PLXNA4: variants seen among roughly 807,000 people sequenced by gnomAD.
The protein encoded by PLXNA4 is plexin A4, also known as plexin-A4.
A neutral mutation model predicts 191.8 loss-of-function variants in PLXNA4; 44 were observed. That is an observed-to-expected ratio of 0.23 (90% CI 0.18 to 0.29). PLXNA4 has a LOEUF of 0.29. Ranked by LOEUF, PLXNA4 falls within the 10% of genes least tolerant of loss-of-function variation. PLXNA4 has a pLI of 1.00. For missense variants in PLXNA4, 1,800 were observed against 2,488.8 expected (o/e 0.72, Z 5.89); for synonymous variants, 1,082 against 1,009.5 (o/e 1.07, Z -1.36).
chr7:132,486,474 C>T (rs1797561318), intron 3 of PLXNA4, among the ~76,000 whole-genome samples: 1 of 152,356 alleles, frequency 6.6e-6, no homozygotes, highest in African/African-American at 2.4e-5. Context: ...GACTGTTCCC[C>T]TGGGCCAGCT....
At chr7:132,425,201 T>C (rs1249961626) in intron 3 of PLXNA4, among the ~76,000 whole-genome samples, 2 of 152,170 alleles carry the variant, frequency 1.3e-5, no homozygotes, top group Admixed American at 6.5e-5. Flanking sequence ...AGGGGGAAAG[T>C]TTTTTTCTCC....
chr7:132,604,851 C>T (rs189970581), intron 2 of PLXNA4, among the ~76,000 whole-genome samples: 39 of 152,236 alleles, frequency 2.6e-4, no homozygotes, highest in East Asian at 5.8e-4. Context: ...GATATGACTC[C>T]GCTTGCACCG....
chr7:132,230,351 A>G (rs565740053), intron 5 of PLXNA4, among the ~76,000 whole-genome samples: 1 of 152,306 alleles, frequency 6.6e-6, no homozygotes, highest in African/African-American at 2.4e-5. Context: ...TGCCCCCTTC[A>G]TATCCTTAGG....
intron 3 of PLXNA4, among the ~76,000 whole-genome samples, chr7:132,432,202 G>A (rs1457860793): frequency 7.9e-5 from 12 of 152,126 alleles, no homozygotes; most frequent in Non-Finnish European, 5.9e-5. Context: ...GGTGACGGAC[G>A]ACTCACCAGT....
intron 2 of PLXNA4, among the ~76,000 whole-genome samples, chr7:132,595,864 T>G (rs2116833233): frequency 6.6e-6 from 1 of 152,324 alleles, no homozygotes; most frequent in South Asian, 2.1e-4. Flanking sequence ...ATCATGAAAT[T>G]TCACTTCTGG....
At chr7:132,385,104 G>A (rs1306827993) in intron 3 of PLXNA4, 9 of 1,569,800 alleles carry the variant, frequency 5.7e-6, no homozygotes, top group Non-Finnish European at 6.1e-6. Context: ...TCACAGGGAG[G>A]TAGATGTGTC....
chr7:132,441,031 A>T (rs924740918), intron 3 of PLXNA4, among the ~76,000 whole-genome samples: 1 of 152,236 alleles, frequency 6.6e-6, no homozygotes, highest in Non-Finnish European at 1.5e-5. Context: ...TCCATTTTAC[A>T]TATGAAAAAA....
chr7:132,511,425 T>C (rs1055035328), intron 1 of PLXNA4, among the ~76,000 whole-genome samples: 1 of 152,190 alleles, frequency 6.6e-6, no homozygotes, highest in Non-Finnish European at 1.5e-5. Flanking sequence ...GCCCAGAAGA[T>C]AGAGCACTTA....
intron 25 of PLXNA4, among the ~76,000 whole-genome samples, chr7:132,157,050 T>C (rs1795820037): frequency 6.6e-6 from 1 of 152,198 alleles, no homozygotes; most frequent in South Asian, 2.1e-4. Context: ...GGCCTCTCTT[T>C]GTTTCTCTCT....
rs558069934 is a variant in PLXNA4 at position 132,485,877 on chromosome 7, G to A, written c.1371+3415C>T. 4.6e-5 allele frequency among the ~76,000 whole-genome samples: 7 copies of A among 152,276 alleles called. No individual in the cohort carries two copies. The South Asian group carries it at 1.5e-3, about 32-fold the overall frequency. ...CGCTTCATGTGACGTGTGCACTAAA[G>A]GAGTGAAATTACGGTCGTCAAAGAC... On this transcript the variant is annotated intron_variant, in intron 3 of 31. Coordinates refer to ENST00000321063, the MANE Select transcript of PLXNA4 (RefSeq NM_020911.2).
At chr7:132,516,018 T>G (rs1798921443) in intron 1 of PLXNA4, among the ~76,000 whole-genome samples, 1 of 152,000 alleles carries the variant, frequency 6.6e-6, no homozygotes, top group Non-Finnish European at 1.5e-5. Context: ...TGGAAACACG[T>G]GAATGAATGA....
intron 13 of PLXNA4, among the ~76,000 whole-genome samples, chr7:132,195,930 T>A (rs927177913): frequency 6.6e-6 from 1 of 152,232 alleles, no homozygotes; most frequent in South Asian, 2.1e-4. Flanking sequence ...GCTTCTATGT[T>A]TTATGTTTCT....
intron 3 of PLXNA4, among the ~76,000 whole-genome samples, chr7:132,476,829 T>C (rs1797148082): frequency 1.3e-5 from 2 of 152,192 alleles, no homozygotes; most frequent in Non-Finnish European, 2.9e-5. Context: ...AATCTAATCA[T>C]TGTATTTAAG....
chr7:132,455,676 G>C (rs1273151102), intron 3 of PLXNA4, among the ~76,000 whole-genome samples: 4 of 152,112 alleles, frequency 2.6e-5, no homozygotes, highest in Non-Finnish European at 2.9e-5. Flanking sequence ...TCGAAATTGT[G>C]CATCAAGCGT....
At chr7:132,319,079 G>A (rs1346736039) in intron 3 of PLXNA4, among the ~76,000 whole-genome samples, 1 of 152,126 alleles carries the variant, frequency 6.6e-6, no homozygotes, top group East Asian at 1.9e-4. Flanking sequence ...ATATGGAGGA[G>A]AGCCATCCAA....
At position 132,241,069 on chromosome 7, in the gene PLXNA4, T is replaced by C. The variant is rs1217574380; in HGVS notation, c.1601A>G (p.Asn534Ser). The C allele has an allele frequency of 1.9e-6, 3 of 1,599,670 alleles. No individual in the cohort carries two copies. The highest frequency in any genetic ancestry group is 1.1e-5 in the South Asian group (1 of 88,654). Residue 534 changes from asparagine (N) to serine (S), a missense_variant, in exon 5 of 32, where the codon AAC becomes AGC. Physicochemically the swap from Asn to Ser is conservative, Grantham distance 46. Transcript: ENST00000321063. ...GCAGCCTCCCCATGGTACTCACGTG[T>C]TGTGCAGCACACACCAGCCACAGTG... Reference protein sequence around the residue: ...DPHCGWCVLHNTCTRKERCER... With the variant: ...DPHCGWCVLHSTCTRKERCER...
At chr7:132,574,816 T>C (rs115633627) in intron 1 of PLXNA4, among the ~76,000 whole-genome samples, 3,807 of 152,252 alleles carry the variant, frequency 0.025, 168 homozygotes, top group African/African-American at 0.087. Flanking sequence ...GAAAAAGCCC[T>C]TTCATTCAGC....
chr7:132,460,310 G>C (rs117472782), intron 3 of PLXNA4, among the ~76,000 whole-genome samples: 1 of 151,598 alleles, frequency 6.6e-6, no homozygotes, highest in Non-Finnish European at 1.5e-5. Flanking sequence ...AGTGAGCCAT[G>C]ATGATGCCAC....
At chr7:132,137,209 T>C (rs1178474283) in intron 30 of PLXNA4, among the ~76,000 whole-genome samples, 1 of 152,220 alleles carries the variant, frequency 6.6e-6, no homozygotes, top group Non-Finnish European at 1.5e-5. Context: ...TATTTAAATA[T>C]TTAAAATTCT....
Sources: gnomAD v4.1 joint callset for allele counts (sites outside exome capture counted in the v4.1 genomes callset) on GRCh38, gnomAD v4.1.1 for gene constraint, MANE v1.5 for transcripts, NCBI Gene and HGNC (gene_info 2026-07-23, HGNC 2026-07-21) for gene names.